ABCC8: variants seen among roughly 807,000 people sequenced by gnomAD.
The protein encoded by ABCC8 is ATP binding cassette subfamily C member 8, also known as ATP-binding cassette sub-family C member 8.
Under a neutral mutation model 188.0 loss-of-function variants are expected in ABCC8, and 137 were observed. The observed-to-expected ratio is 0.73, with a 90% CI of 0.63 to 0.84. The LOEUF (loss-of-function observed/expected upper bound fraction) is 0.84. ABCC8 is among the 40% of genes least tolerant of loss of function. The pLI is 0.00. For synonymous variants in ABCC8, 797 were observed against 846.5 expected (o/e 0.94, Z 1.01); for missense variants, 1,750 against 2,072.7 (o/e 0.84, Z 3.02).
Position 17,461,663 on chromosome 11 carries a change from G to A in ABCC8, c.742C>T (p.Arg248Ter), listed in dbSNP as rs72559730. The part of the protein sequence containing the change: ...KTAHKKPIDL[R>*]AIGKLPIAMR... ...GCGATGGGCAGCTTCCCGATGGCTC[G>A]CAAGTCGATGGGCTTCTTGTGGGCA... is the stretch of plus-strand genomic sequence containing the variant. The change falls in exon 5 of 39, where the codon CGA (arginine) becomes TGA (stop). Residue 248 changes from arginine (R) to a stop codon, truncating the protein, a stop_gained. Transcript: ENST00000389817. LOFTEE classifies it high-confidence loss of function. 19 of 1,614,106 alleles carry A rather than the reference G, an allele frequency of 1.2e-5. No individual in the cohort carries two copies. The highest frequency in any genetic ancestry group is 3.3e-5 in the South Asian group (3 of 91,092).
chr11:17,466,341 G>A lies in ABCC8; in HGVS notation c.413-2737C>T, dbSNP rs1411467233. On this transcript the variant is annotated intron_variant, in intron 3 of 38. Coordinates refer to ENST00000389817, the MANE Select transcript of ABCC8 (RefSeq NM_000352.6). The stretch of plus-strand genomic sequence containing the variant: ...TTGAACCAGAGAAGCAGAGGTTGCG[G>A]TGAGCCGAGATTGCACCACTGCACT... 2.7e-5 allele frequency among the ~76,000 whole-genome samples: 4 copies of A among 149,030 alleles called. 1 individual carries two copies. Among genetic ancestry groups the A allele is most frequent in the Admixed American group, 2.0e-4 (3 of 14,936 alleles).
At chr11:17,415,546 G>A (rs1420060179) in intron 17 of ABCC8, 1 of 700,716 alleles carries the variant, frequency 1.4e-6, no homozygotes, top group Admixed American at 6.3e-5. Context: ...ACGTGGGTGT[G>A]TGAGGAGGGC....
chr11:17,426,837 A>G (rs952201584), intron 16 of ABCC8, among the ~76,000 whole-genome samples: 1 of 152,218 alleles, frequency 6.6e-6, no homozygotes, highest in Non-Finnish European at 1.5e-5. Context: ...ATTAAATGAA[A>G]TAATGCATGC....
chr11:17,430,632 G>A (rs983590473), intron 12 of ABCC8, 182 bp downstream of exon 12: 1 of 749,796 alleles, frequency 1.3e-6, no homozygotes, highest in Non-Finnish European at 2.4e-6. Flanking sequence ...GCTCAGGGAT[G>A]GCGAGCTGGG....
chr11:17,410,735 G>C, intron 21 of ABCC8, 82 bp from the exon 22 acceptor site: 2 of 1,588,700 alleles, frequency 1.3e-6, no homozygotes, highest in Non-Finnish European at 1.7e-6. Flanking sequence ...AAACCCATTA[G>C]AGTTCTATCA....
chr11:17,457,841 G>A (rs1957050651), intron 6 of ABCC8, among the ~76,000 whole-genome samples: 1 of 152,216 alleles, frequency 6.6e-6, no homozygotes, highest in South Asian at 2.1e-4. Context: ...TAAACCACAG[G>A]TGCCTCGCTG....
At chr11:17,423,629 C>T (rs1013253129) in intron 16 of ABCC8, among the ~76,000 whole-genome samples, 2 of 152,202 alleles carry the variant, frequency 1.3e-5, no homozygotes, top group African/African-American at 4.8e-5. Context: ...GAGACCCCTT[C>T]ACTACCGCCC....
At chr11:17,395,554 C>G (rs1270161002) in intron 35 of ABCC8, 56 bp downstream of exon 35, 1 of 1,535,900 alleles carries the variant, frequency 6.5e-7, no homozygotes, top group Admixed American at 2.0e-5. Flanking sequence ...TGCTCCAGAT[C>G]TGATGGAACT....
rs189746511 is a variant in ABCC8, at chr11:17,476,675, C to T, written c.102G>A (p.Val34=). 2.1e-4 allele frequency: 338 copies of T among 1,612,362 alleles called. 3 individuals are homozygous for T. In the Admixed American group the frequency reaches 5.6e-3, roughly 27 times the overall value. The part of the protein sequence containing the change: ...NGCFVDALNV[V]PHVFLLFITF... ...TGATGAAGAGTAGGAAGACGTGCGGCACCACGTTGAGCGCGTCCACAAAGC... is the reference window on the plus strand; with the variant it reads ...TGATGAAGAGTAGGAAGACGTGCGGTACCACGTTGAGCGCGTCCACAAAGC... The change falls in exon 1 of 39, where the codon GTG becomes GTA. Residue 34 remains valine (V), a synonymous_variant. Transcript: ENST00000389817.
chr11:17,448,362 C>G lies in ABCC8; in HGVS notation c.1332+154G>C, dbSNP rs552034782. 9.8e-5 allele frequency: 70 copies of G among 713,916 alleles called. No homozygotes were observed. In the African/African-American group the frequency reaches 1.1e-3, roughly 12 times the overall value. The allele number at this position is 713,916 out of a possible 1,614,324, so 44.2% of individuals were successfully genotyped here. A position where few individuals can be genotyped will look rare whatever the true frequency, so the allele number is the denominator to read the frequency against. ...CTTGCAGAGTATGGGACAGGAGGGACCCAGAGGTACAGCCTGTGGTATAGC... is the reference window on the plus strand; with the variant it reads ...CTTGCAGAGTATGGGACAGGAGGGAGCCAGAGGTACAGCCTGTGGTATAGC... On this transcript the variant is annotated intron_variant, in intron 8 of 38. Coordinates refer to ENST00000389817, the MANE Select transcript of ABCC8 (RefSeq NM_000352.6).
intron 3 of ABCC8, among the ~76,000 whole-genome samples, chr11:17,467,586 TTTTCAGAGAACA>T (rs1197238186): frequency 6.6e-6 from 1 of 152,248 alleles, no homozygotes; most frequent in African/African-American, 2.4e-5. Flanking sequence ...AAATATGACT[TTTTCAGAGAACA>T]TTTCCTTGGC....
intron 29 of ABCC8, among the ~76,000 whole-genome samples, chr11:17,401,986 C>CT (rs36088707): frequency 6.6e-6 from 1 of 152,228 alleles, no homozygotes; most frequent in Non-Finnish European, 1.5e-5. Flanking sequence ...CTTGAATCCG[C>CT]TTTTTTCAGA....
chr11:17,396,176 G>A (rs971726472), intron 33 of ABCC8: 7 of 853,218 alleles, frequency 8.2e-6, no homozygotes, highest in African/African-American at 6.9e-5. Flanking sequence ...GGGCCTTGGT[G>A]TGGGTCTGGG....
Position 17,397,021 on chromosome 11 carries a change from C to A in ABCC8, c.4014G>T (p.Trp1338Cys). 6.2e-7 allele frequency: 1 copy of A among 1,614,188 alleles called. No homozygotes were observed. The highest frequency in any genetic ancestry group is 8.5e-7 in the Non-Finnish European group (1 of 1,180,012). The change falls in exon 33 of 39, where the codon TGG (tryptophan) becomes TGT (cysteine). Residue 1338 changes from tryptophan (W) to cysteine (C), a missense_variant. By Grantham distance (215) the Trp-to-Cys change is radical (BLOSUM62 -2). Coordinates refer to ENST00000389817, the MANE Select transcript of ABCC8 (RefSeq NM_000352.6). ...GGATCTGGATCTTCCCTTGGTCTGG[C>A]CAGTTCTTTGGGATCAGCGATGGTG... ...LLAPSLIPKN[W>C]PDQGKIQIQN...
intron 38 of ABCC8, 94 bp downstream of exon 38, chr11:17,393,603 C>T (rs909307301): frequency 1.8e-5 from 28 of 1,576,614 alleles, no homozygotes; most frequent in African/African-American, 8.1e-5. Flanking sequence ...ATTACTGGGA[C>T]CAGGCAAGCC....
At chr11:17,415,272 C>A in intron 18 of ABCC8, 32 bp downstream of exon 18, 1 of 1,599,016 alleles carries the variant, frequency 6.3e-7, no homozygotes, top group South Asian at 1.1e-5. Context: ...AGGGAGTTGA[C>A]CCTGGGGGGC....
intron 16 of ABCC8, 113 bp from the exon 17 acceptor site, chr11:17,417,075 T>C: frequency 6.4e-7 from 1 of 1,562,846 alleles, no homozygotes. Context: ...CTCCCACCCA[T>C]TCCCAGGGTT....
At chr11:17,439,790 G>A (rs1227867389) in intron 10 of ABCC8, among the ~76,000 whole-genome samples, 1 of 152,166 alleles carries the variant, frequency 6.6e-6, no homozygotes, top group African/African-American at 2.4e-5. Context: ...CACGTGAGGA[G>A]TCCTGGGCGG....
At chr11:17,464,843 A>G (rs1848051344) in intron 3 of ABCC8, among the ~76,000 whole-genome samples, 1 of 152,168 alleles carries the variant, frequency 6.6e-6, no homozygotes, top group South Asian at 2.1e-4. Context: ...GATGCGGATA[A>G]GGTCAGCTTC....
Sources: allele counts gnomAD v4.1 joint callset (sites outside exome capture counted in the v4.1 genomes callset), GRCh38; gene constraint gnomAD v4.1.1; transcripts MANE v1.5; gene names NCBI Gene and HGNC (gene_info 2026-07-23, HGNC 2026-07-21).